Variants in NXPE4 observed in about 807,000 individuals in gnomAD.
NXPE4 encodes NXPE family member 4.
Under a neutral mutation model 33.3 loss-of-function variants are expected in NXPE4, and 42 were observed. That is an observed-to-expected ratio of 1.26 (90% confidence interval 0.98 to 1.63). NXPE4 has a LOEUF of 1.63. Among genes scored for constraint, NXPE4 ranks in the 40% most tolerant of loss-of-function variants. The probability of loss-of-function intolerance (pLI) is 0.00; values close to 1 mark genes in which losing one functional copy is unlikely to be tolerated. For missense variants in NXPE4, 709 were observed against 647.6 expected (o/e 1.09, Z -1.03); for synonymous variants, 253 against 234.9 (o/e 1.08, Z -0.71).
the NXPE4 span, among the ~76,000 whole-genome samples, chr11:114,620,724 G>T: frequency 6.6e-6 from 1 of 152,048 alleles, no homozygotes; most frequent in Admixed American, 6.5e-5. Context: ...TGCCTCTTGG[G>T]TAACCACAGT....
the NXPE4 span, among the ~76,000 whole-genome samples, chr11:114,631,173 G>C: frequency 6.6e-6 from 1 of 151,998 alleles, no homozygotes; most frequent in East Asian, 1.9e-4. Flanking sequence ...CCATTACTGG[G>C]TATATACCCA....
At chr11:114,627,953 T>C in the NXPE4 span, among the ~76,000 whole-genome samples, 8 of 151,968 alleles carry the variant, frequency 5.3e-5, no homozygotes, top group East Asian at 1.5e-3. Context: ...AGGGATCAAC[T>C]CAACAAGAAG....
At chr11:114,638,128 C>T in the NXPE4 span, among the ~76,000 whole-genome samples, 1 of 151,678 alleles carries the variant, frequency 6.6e-6, no homozygotes. Context: ...GGTCTTGTCA[C>T]ATAGTCCCAT....
At chr11:114,633,776 C>T in the NXPE4 span, among the ~76,000 whole-genome samples, 1 of 151,874 alleles carries the variant, frequency 6.6e-6, no homozygotes, top group Non-Finnish European at 1.5e-5. Context: ...CATCCATGTC[C>T]CTAGAAAGGA....
chr11:114,605,840 C>T, the NXPE4 span, among the ~76,000 whole-genome samples: 3 of 151,400 alleles, frequency 2.0e-5, no homozygotes, highest in African/African-American at 7.3e-5. Flanking sequence ...AGTATTGCCT[C>T]ATGGGTAACC....
At chr11:114,636,067 A>G in the NXPE4 span, among the ~76,000 whole-genome samples, 2 of 143,624 alleles carry the variant, frequency 1.4e-5, no homozygotes, top group Non-Finnish European at 3.0e-5. Context: ...TACCTCTGGT[A>G]GAATTCGACT....
chr11:114,578,982 A>G (rs1949074060), intron 5 of NXPE4, among the ~76,000 whole-genome samples: 1 of 152,138 alleles, frequency 6.6e-6, no homozygotes, highest in African/African-American at 2.4e-5. Context: ...ACAGACTTGT[A>G]CTTGTATTAG....
chr11:114,577,026 T>C (rs867749088), intron 5 of NXPE4, among the ~76,000 whole-genome samples: 36 of 22,928 alleles, frequency 1.6e-3, no homozygotes, highest in Middle Eastern at 0.019. Flanking sequence ...TATATATATA[T>C]ACATATATAT....
intron 2 of NXPE4, among the ~76,000 whole-genome samples, chr11:114,590,908 G>T (rs556889659): frequency 1.3e-5 from 2 of 152,250 alleles, no homozygotes; most frequent in East Asian, 1.9e-4. Context: ...TAAATATCAG[G>T]CTCTGCTGTT....
the NXPE4 span, among the ~76,000 whole-genome samples, chr11:114,604,063 G>C: frequency 2.0e-5 from 3 of 151,894 alleles, no homozygotes; most frequent in African/African-American, 7.3e-5. Context: ...CTGCTACCTG[G>C]TGGATAATAA....
chr11:114,664,205 G>T, the NXPE4 span, among the ~76,000 whole-genome samples: 4 of 152,104 alleles, frequency 2.6e-5, no homozygotes, highest in African/African-American at 4.8e-5. Flanking sequence ...AGATACACAA[G>T]TACTATAATA....
the NXPE4 span, among the ~76,000 whole-genome samples, chr11:114,663,849 A>T: frequency 2.0e-5 from 3 of 152,148 alleles, no homozygotes; most frequent in African/African-American, 7.2e-5. Flanking sequence ...ATATAAAAAG[A>T]TGCTCAGCAT....
At chr11:114,626,645 A>G in the NXPE4 span, among the ~76,000 whole-genome samples, 2 of 152,246 alleles carry the variant, frequency 1.3e-5, no homozygotes, top group Non-Finnish European at 2.9e-5. Context: ...GCAGTTCCTC[A>G]CCAGCAACAG....
At chr11:114,664,620 A>G in the NXPE4 span, among the ~76,000 whole-genome samples, 1 of 152,136 alleles carries the variant, frequency 6.6e-6, no homozygotes, top group Non-Finnish European at 1.5e-5. Context: ...ACATATATAT[A>G]ATTTTGTATG....
chr11:114,616,973 T>C, the NXPE4 span, among the ~76,000 whole-genome samples: 1 of 146,910 alleles, frequency 6.8e-6, no homozygotes, highest in South Asian at 2.1e-4. Flanking sequence ...CGGTTTATTA[T>C]TAGTGTTTCC....
chr11:114,649,673 T>C, the NXPE4 span, among the ~76,000 whole-genome samples: 2 of 152,184 alleles, frequency 1.3e-5, no homozygotes, highest in African/African-American at 4.8e-5. Context: ...GGAAGAAGAC[T>C]GGAGGCGGGG....
chr11:114,655,090 T>C, the NXPE4 span, among the ~76,000 whole-genome samples: 50 of 152,264 alleles, frequency 3.3e-4, no homozygotes, highest in East Asian at 5.0e-3. Flanking sequence ...AGCTTTTTTT[T>C]CTTCATATGT....
the NXPE4 span, among the ~76,000 whole-genome samples, chr11:114,648,831 A>C: frequency 6.6e-6 from 1 of 152,218 alleles, no homozygotes; most frequent in African/African-American, 2.4e-5. Flanking sequence ...TAAATACTTG[A>C]TATCTTATAA....
the NXPE4 span, among the ~76,000 whole-genome samples, chr11:114,629,213 C>A: frequency 6.6e-6 from 1 of 151,874 alleles, no homozygotes; most frequent in Non-Finnish European, 1.5e-5. Context: ...GGCAGAGACA[C>A]AACCAAAAAA....
Sources: gnomAD v4.1 joint callset for allele counts (sites outside exome capture counted in the v4.1 genomes callset) on GRCh38, gnomAD v4.1.1 for gene constraint, MANE v1.5 for transcripts, NCBI Gene and HGNC (gene_info 2026-07-23, HGNC 2026-07-21) for gene names.